The following SPNS3 variants were observed in gnomAD, a reference collection of about 807,000 sequenced individuals.
SPNS3 encodes the protein protein spinster homolog 3.
A neutral mutation model predicts 54.4 loss-of-function variants in SPNS3; 51 were observed. The ratio of observed to expected loss-of-function variants is 0.94; its 90% CI spans 0.75 to 1.18. The LOEUF is 1.18. Ranked by LOEUF, SPNS3 falls within the 50% of genes most tolerant of loss-of-function variation. The pLI is 0.00. For synonymous variants in SPNS3, 309 were observed against 294.7 expected (o/e 1.05, Z -0.50); for missense variants, 669 against 677.4 (o/e 0.99, Z 0.14).
At chr17:4,440,480 A>AGGAAACAG (rs1431032739) in intron 2 of SPNS3, among the ~76,000 whole-genome samples, 1 of 152,162 alleles carries the variant, frequency 6.6e-6, no homozygotes, top group Non-Finnish European at 1.5e-5. Flanking sequence ...ATACACAGTC[A>AGGAAACAG]CTTTCCAGGG....
chr17:4,439,868 T>C (rs1567552745), intron 2 of SPNS3, 145 bp downstream of exon 2: 4 of 708,150 alleles, frequency 5.6e-6, no homozygotes, highest in Non-Finnish European at 9.5e-6. Flanking sequence ...TGAGGGACAG[T>C]CTAGGCAGGA....
intron 8 of SPNS3, among the ~76,000 whole-genome samples, chr17:4,468,113 C>A (rs2144149802): frequency 6.6e-6 from 1 of 152,280 alleles, no homozygotes; most frequent in African/African-American, 2.4e-5. Context: ...CGTGGTTTAA[C>A]AGGCTCTCTC....
chr17:4,454,610 C>CTTTTT (rs55918406), intron 8 of SPNS3, among the ~76,000 whole-genome samples: 5 of 76,394 alleles, frequency 6.5e-5, no homozygotes, highest in East Asian at 3.4e-4. Flanking sequence ...CCAAATAAAG[C>CTTTTT]TTTTTTTTTT....
At chr17:4,485,777 C>T (rs1972296320) in intron 9 of SPNS3, among the ~76,000 whole-genome samples, 1 of 152,228 alleles carries the variant, frequency 6.6e-6, no homozygotes, top group African/African-American at 2.4e-5. Context: ...TGGTCTCTGC[C>T]CCAGGGGCCT....
At chr17:4,440,475 C>G (rs1194713778) in intron 2 of SPNS3, among the ~76,000 whole-genome samples, 1 of 152,208 alleles carries the variant, frequency 6.6e-6, no homozygotes, top group African/African-American at 2.4e-5. Flanking sequence ...TGGGGATACA[C>G]AGTCACTTTC....
rs1344223402 is a variant in SPNS3 at position 4,483,548 on chromosome 17, G to A, written c.1180-2680G>A. On this transcript the variant is annotated intron_variant, in intron 9 of 11. Coordinates refer to ENST00000355530, the MANE Select transcript of SPNS3 (RefSeq NM_182538.5). The surrounding 1 kb of genome is among the most constrained non-coding windows in gnomAD (Gnocchi z 4.2). ...CCAGCCTACCTGGACCTAACTGTGG[G>A]GGTCCCAGCAGCCCCAGCCTCCATG... is the stretch of plus-strand genomic sequence containing the variant. 6.6e-6 allele frequency: 1 copy of A among 152,196 alleles called. No homozygotes were observed. Among genetic ancestry groups the A allele is most frequent in the Admixed American group, 6.5e-5 (1 of 15,286 alleles). 9.4% of individuals were successfully genotyped at this position (152,196 alleles called of 1,614,324 possible).
chr17:4,483,188 C>T lies in SPNS3; in HGVS notation c.1180-3040C>T, dbSNP rs1972219312. ...GGTGGGGGTGCAGGAGGCAGGCTGCCTGGTGGCTGCTGCTCCGACTTGCTG... is the reference window on the plus strand; with the variant it reads ...GGTGGGGGTGCAGGAGGCAGGCTGCTTGGTGGCTGCTGCTCCGACTTGCTG... On this transcript the variant is annotated intron_variant, in intron 9 of 11. Transcript: ENST00000355530. This position sits in a 1 kb window ranked among gnomAD's most constrained non-coding sequence, Gnocchi z 4.2. 6.6e-6 allele frequency among the ~76,000 whole-genome samples: 1 copy of T among 152,214 alleles called. No individual in the cohort carries two copies. Among genetic ancestry groups the T allele is most frequent in the Non-Finnish European group, 1.5e-5 (1 of 68,032 alleles).
chr17:4,446,628 T>G, intron 4 of SPNS3: 1 of 562,474 alleles, frequency 1.8e-6, no homozygotes, highest in East Asian at 2.9e-5. Flanking sequence ...GGGCCCAGCC[T>G]TGGGCAGGAG....
intron 11 of SPNS3, 100 bp from the exon 12 acceptor site, chr17:4,487,706 G>C (rs1597350550): frequency 9.6e-7 from 1 of 1,040,740 alleles, no homozygotes; most frequent in East Asian, 2.3e-5. Context: ...TCTGCATTTG[G>C]GACAGAGAGG....
At chr17:4,458,447 CTTCTTTCTTCTTTCTTTCTT>C (rs1567563567) in intron 8 of SPNS3, among the ~76,000 whole-genome samples, 1 of 72,640 alleles carries the variant, frequency 1.4e-5, no homozygotes, top group Non-Finnish European at 4.1e-5. Context: ...CCCTCCCTCC[CTTCTTTCTTCTTTCTTTCTT>C]TCCATTTTCT....
At chr17:4,461,113 G>C (rs1222809428) in intron 8 of SPNS3, among the ~76,000 whole-genome samples, 1 of 151,810 alleles carries the variant, frequency 6.6e-6, no homozygotes, top group Non-Finnish European at 1.5e-5. Context: ...ATTTATTCTA[G>C]GTTAATCTAA....
At chr17:4,471,627 A>G (rs1404603141) in intron 8 of SPNS3, among the ~76,000 whole-genome samples, 1 of 151,788 alleles carries the variant, frequency 6.6e-6, no homozygotes, top group Non-Finnish European at 1.5e-5. Flanking sequence ...CACCACACCC[A>G]GCTAATTTTT....
chr17:4,476,895 C>A (rs567116546), intron 8 of SPNS3, among the ~76,000 whole-genome samples: 1 of 152,216 alleles, frequency 6.6e-6, no homozygotes, highest in African/African-American at 2.4e-5. Flanking sequence ...CTGTCCCGCC[C>A]GGCATGGTGG....
chr17:4,464,321 T>C (rs958488034), intron 8 of SPNS3, among the ~76,000 whole-genome samples: 5 of 152,210 alleles, frequency 3.3e-5, no homozygotes, highest in Admixed American at 6.5e-5. Flanking sequence ...TTCCCAGAGC[T>C]GCTGCCCTTC....
intron 2 of SPNS3, among the ~76,000 whole-genome samples, chr17:4,443,983 C>A (rs954071823): frequency 2.6e-5 from 4 of 152,176 alleles, no homozygotes; most frequent in Admixed American, 6.5e-5. Flanking sequence ...TGCCTGTAGT[C>A]TCAACTACTC....
At chr17:4,459,555 T>C (rs1971437431) in intron 8 of SPNS3, among the ~76,000 whole-genome samples, 1 of 151,862 alleles carries the variant, frequency 6.6e-6, no homozygotes, top group Admixed American at 6.6e-5. Context: ...CTACTAAAAA[T>C]ACAAAAAATT....
chr17:4,474,321 G>A (rs1476950328), intron 8 of SPNS3, among the ~76,000 whole-genome samples: 2 of 152,236 alleles, frequency 1.3e-5, no homozygotes, highest in Non-Finnish European at 2.9e-5. Flanking sequence ...CGTGCCAGAC[G>A]GTGCAGCAGC....
rs1160803338 is a variant in SPNS3, at chr17:4,434,173, A to G, written c.199+7A>G. Reference sequence around the variant, plus strand: ...AACTGGTTCATCATTGCAGGTGAGGAGGGGATGGCTACCCTGGGCAGTACC... The same window carrying G: ...AACTGGTTCATCATTGCAGGTGAGGGGGGGATGGCTACCCTGGGCAGTACC... On this transcript the variant is annotated splice_region_variant and intron_variant, in intron 1 of 11. Coordinates refer to ENST00000355530, the MANE Select transcript of SPNS3 (RefSeq NM_182538.5). 6.2e-7 allele frequency: 1 copy of G among 1,605,344 alleles called. No individual in the cohort carries two copies. Among genetic ancestry groups the G allele is most frequent in the East Asian group, 2.3e-5 (1 of 44,370 alleles).
intron 7 of SPNS3, among the ~76,000 whole-genome samples, chr17:4,451,230 A>ACTTCTTCTT (rs10672650): frequency 6.9e-6 from 1 of 145,948 alleles, no homozygotes; most frequent in Admixed American, 6.9e-5. Context: ...TTTAGAAAGC[A>ACTTCTTCTT]CTTCTTCTTC....
Sources: allele counts gnomAD v4.1 joint callset (sites outside exome capture counted in the v4.1 genomes callset), GRCh38; gene constraint gnomAD v4.1.1; non-coding constraint Gnocchi (gnomAD v3.1); transcripts MANE v1.5; gene names NCBI Gene and HGNC (gene_info 2026-07-23, HGNC 2026-07-21).